Variants in ALMS1 observed in about 807,000 individuals in gnomAD.
ALMS1 encodes ALMS1 centrosome and basal body associated protein, also known as centrosome-associated protein ALMS1.
A neutral mutation model predicts 352.2 loss-of-function variants in ALMS1; 271 were observed. The ratio of observed to expected loss-of-function variants is 0.77; its 90% CI spans 0.70 to 0.85. The LOEUF is 0.85. ALMS1 is among the 40% of genes least tolerant of loss of function. The pLI is 0.00. For synonymous variants in ALMS1, 1,865 were observed against 1,761.2 expected, an observed-to-expected ratio of 1.06 and a Z score of -1.48; for missense variants, 5,445 against 4,870.7, an observed-to-expected ratio of 1.12 and a Z score of -3.51.
At chr2:73,498,228 A>T (rs1417483669) in intron 10 of ALMS1, among the ~76,000 whole-genome samples, 2 of 150,262 alleles carry the variant, frequency 1.3e-5, no homozygotes, top group Non-Finnish European at 3.0e-5. Flanking sequence ...CTGGGTGGTG[A>T]TTGCTAAAGA....
intron 6 of ALMS1, among the ~76,000 whole-genome samples, chr2:73,427,878 AC>A (rs1472106989): frequency 2.0e-5 from 3 of 152,164 alleles, no homozygotes; most frequent in Non-Finnish European, 2.9e-5. Flanking sequence ...ATAGTGATGT[AC>A]TTAATGTTAC....
At position 73,422,927 on chromosome 2, in the gene ALMS1, G is replaced by A. The variant is rs373972884; in HGVS notation, c.717G>A (p.Ala239=). The part of the protein sequence containing the change: ...LTCLTQDQEF[A]PDSLFHQSEL... The stretch of plus-strand genomic sequence containing the variant: ...GTTTGACACAAGACCAAGAATTTGC[G>A]CCTGATTCTTTATTTCATCAAAGTG... The change falls in exon 4 of 23, where the codon GCG becomes GCA. Residue 239 remains alanine, a synonymous_variant. Transcript: ENST00000613296. 5.6e-6 allele frequency: 9 copies of A among 1,613,472 alleles called. No individual in the cohort carries two copies. The highest frequency in any genetic ancestry group is 5.3e-5 in the African/African-American group (4 of 74,930).
intron 15 of ALMS1, among the ~76,000 whole-genome samples, chr2:73,561,132 C>T (rs960468523): frequency 6.6e-6 from 1 of 152,216 alleles, no homozygotes; most frequent in African/African-American, 2.4e-5. Context: ...CCCAGATGTC[C>T]ATTATCTAGG....
At chr2:73,516,129 G>T (rs1673550759) in intron 10 of ALMS1, among the ~76,000 whole-genome samples, 3 of 152,158 alleles carry the variant, frequency 2.0e-5, no homozygotes, top group Admixed American at 6.6e-5. Flanking sequence ...TAAAAAATGG[G>T]CAAAGGACAT....
At chr2:73,500,419 G>A (rs763745050) in intron 10 of ALMS1, among the ~76,000 whole-genome samples, 1 of 152,124 alleles carries the variant, frequency 6.6e-6, no homozygotes, top group Non-Finnish European at 1.5e-5. Context: ...AGTGGCACAG[G>A]ACAGAAGGAG....
At chr2:73,428,242 A>G (rs1281171023) in intron 6 of ALMS1, among the ~76,000 whole-genome samples, 1 of 152,206 alleles carries the variant, frequency 6.6e-6, no homozygotes, top group Non-Finnish European at 1.5e-5. Context: ...AGAGATTATT[A>G]TCATCCCTAT....
chr2:73,567,751 TA>T (rs1469290431), intron 15 of ALMS1, among the ~76,000 whole-genome samples: 6 of 152,180 alleles, frequency 3.9e-5, no homozygotes, highest in Non-Finnish European at 8.8e-5. Flanking sequence ...AATGCAAGTA[TA>T]AAAGATCCAA....
chr2:73,441,512 T>C (rs1671717510), intron 7 of ALMS1, among the ~76,000 whole-genome samples: 1 of 152,164 alleles, frequency 6.6e-6, no homozygotes. Flanking sequence ...GACTGTCTGC[T>C]AAGTCTGCTG....
chr2:73,527,326 A>T (rs1465054114), intron 11 of ALMS1, among the ~76,000 whole-genome samples: 2 of 150,986 alleles, frequency 1.3e-5, no homozygotes, highest in African/African-American at 4.9e-5. Flanking sequence ...CATTTCTTGG[A>T]ATAGTTTGAG....
intron 1 of ALMS1, among the ~76,000 whole-genome samples, chr2:73,397,687 C>T (rs760389886): frequency 4.6e-5 from 7 of 152,170 alleles, no homozygotes; most frequent in Non-Finnish European, 7.4e-5. Flanking sequence ...AGGCTGGTCT[C>T]GATCTCCTGA....
At chr2:73,593,290 G>A (rs1308437108) in intron 16 of ALMS1, among the ~76,000 whole-genome samples, 4 of 152,154 alleles carry the variant, frequency 2.6e-5, no homozygotes, top group African/African-American at 4.8e-5. Context: ...TGAATCCGTG[G>A]ATGGATTCAA....
In ALMS1 at chr2:73,449,074, G is replaced by T. The variant is rs1469851023; in HGVS notation, c.2547G>T (p.Gly849=). The change falls in exon 8 of 23, where the codon GGG becomes GGT. Residue 849 remains glycine, a synonymous_variant. Transcript: ENST00000613296. ...CTGGACCAGCTGACGGAAAGACTGG[G>T]ACACCAGCTGTAACCTCTACTTCCT... is the stretch of plus-strand genomic sequence containing the variant. The part of the protein sequence containing the change: ...AVSGPADGKT[G]TPAVTSTSSA... 1.6e-5 allele frequency: 26 copies of T among 1,614,104 alleles called. No individual in the cohort carries two copies. Among genetic ancestry groups the T allele is most frequent in the Non-Finnish European group, 2.1e-5 (25 of 1,179,982 alleles).
intron 11 of ALMS1, 37 bp from the exon 12 acceptor site, chr2:73,534,787 T>C (rs187728558): frequency 1.9e-6 from 3 of 1,605,938 alleles, no homozygotes; most frequent in Non-Finnish European, 2.6e-6. Flanking sequence ...TTAACAAATG[T>C]TTTTCATATT....
intron 8 of ALMS1, chr2:73,454,400 C>T (rs1021176448): frequency 1.0e-6 from 1 of 978,492 alleles, no homozygotes; most frequent in African/African-American, 1.8e-5. Context: ...TCCTGAGCTC[C>T]TAAAGCTATC....
chr2:73,415,208 G>A (rs377180175), intron 2 of ALMS1, among the ~76,000 whole-genome samples: 3 of 151,922 alleles, frequency 2.0e-5, no homozygotes, highest in African/African-American at 7.3e-5. Flanking sequence ...GATTTAAAAG[G>A]TATAACACAA....
intron 1 of ALMS1, among the ~76,000 whole-genome samples, chr2:73,388,373 A>T (rs1670580065): frequency 1.3e-5 from 2 of 152,206 alleles, no homozygotes; most frequent in Non-Finnish European, 1.5e-5. Flanking sequence ...CCTCTCACCC[A>T]AATAATATAC....
intron 10 of ALMS1, among the ~76,000 whole-genome samples, chr2:73,515,042 C>T (rs879668639): frequency 1.3e-5 from 2 of 152,130 alleles, no homozygotes; most frequent in African/African-American, 2.4e-5. Flanking sequence ...CTGCACTCTT[C>T]CCTCTTCTCC....
chr2:73,426,537 C>G lies in ALMS1; in HGVS notation c.1322C>G (p.Ala441Gly), dbSNP rs781359646. The G allele has an allele frequency of 1.9e-6, 3 of 1,614,026 alleles. No individual in the cohort carries two copies. Among genetic ancestry groups the G allele is most frequent in the Non-Finnish European group, 2.5e-6 (3 of 1,179,884 alleles). Reference protein sequence around the residue: ...ENAVVCSERVAELQRKPTRES... With the variant: ...ENAVVCSERVGELQRKPTRES... ...GCTGTTGTATGCAGTGAAAGAGTTGCTGAACTACAAAGAAAGGTGAGACAC... is the reference window on the plus strand; with the variant it reads ...GCTGTTGTATGCAGTGAAAGAGTTGGTGAACTACAAAGAAAGGTGAGACAC... The change falls in exon 6 of 23, where the codon GCT (alanine) becomes GGT (glycine). Residue 441 changes from alanine (A) to glycine (G), a missense_variant. Physicochemically the swap from Ala to Gly is moderately conservative, Grantham distance 60. Coordinates refer to ENST00000613296, the MANE Select transcript of ALMS1 (RefSeq NM_001378454.1).
intron 2 of ALMS1, among the ~76,000 whole-genome samples, chr2:73,413,826 A>G (rs903803783): frequency 6.6e-6 from 1 of 152,194 alleles, no homozygotes; most frequent in African/African-American, 2.4e-5. Context: ...ATTTCATGAC[A>G]TCTTTGTAAA....
Sources: gnomAD v4.1 joint callset for allele counts (sites outside exome capture counted in the v4.1 genomes callset) on GRCh38, gnomAD v4.1.1 for gene constraint, MANE v1.5 for transcripts, NCBI Gene and HGNC (gene_info 2026-07-23, HGNC 2026-07-21) for gene names.